The following CREG2 variants were observed in gnomAD, a reference collection of about 807,000 sequenced individuals.
CREG2 encodes the protein cellular repressor of E1A stimulated genes 2.
In CREG2, 24 loss-of-function variants were observed where a neutral mutation model predicts 26.2. The ratio of observed to expected loss-of-function variants is 0.92; its 90% CI spans 0.66 to 1.29. The LOEUF is 1.29. Among genes scored for constraint, CREG2 ranks in the 50% most tolerant of loss-of-function variants. The pLI is 0.00. For missense variants in CREG2, 366 were observed against 398.6 expected, an observed-to-expected ratio of 0.92 and a Z score of 0.70; for synonymous variants, 174 against 169.2, an observed-to-expected ratio of 1.03 and a Z score of -0.22.
chr2:101,365,254 C>T (rs574116531), intron 2 of CREG2, among the ~76,000 whole-genome samples: 1 of 152,326 alleles, frequency 6.6e-6, no homozygotes, highest in South Asian at 2.1e-4. Context: ...CTGCAGAAAG[C>T]ACTGTGTTGT....
chr2:101,377,496 C>T (rs1020670807), intron 2 of CREG2, among the ~76,000 whole-genome samples: 1 of 152,232 alleles, frequency 6.6e-6, no homozygotes, highest in African/African-American at 2.4e-5. Context: ...GGGAAAGAGA[C>T]ATTTTTGGGT....
chr2:101,361,173 A>T (rs996229773), intron 2 of CREG2, among the ~76,000 whole-genome samples: 1 of 152,168 alleles, frequency 6.6e-6, no homozygotes, highest in Non-Finnish European at 1.5e-5. Context: ...AATAAAAAGG[A>T]GATTATATAT....
Position 101,351,009 on chromosome 2 carries a change from CT to C in CREG2, c.786del (p.Ile262MetfsTer43). On this transcript the variant is annotated frameshift_variant, in exon 4 of 4. Coordinates refer to ENST00000324768, the MANE Select transcript of CREG2 (RefSeq NM_153836.4). LOFTEE classifies it high-confidence loss of function. Reference sequence around the variant, plus strand: ...TACCATTTCTGAAGCCAGATATGTTCTATCCTCATCTTCATAAAGAACCATT... The same window carrying C: ...TACCATTTCTGAAGCCAGATATGTTCATCCTCATCTTCATAAAGAACCATT... ...QYEWFFMKMR[I>X]EHIWLQKWYG... The C allele has an allele frequency of 6.2e-7, 1 of 1,614,146 alleles. No homozygotes were observed. The highest frequency in any genetic ancestry group is 1.3e-5 in the African/African-American group (1 of 75,072).
At chr2:101,367,508 AG>A (rs1437757104) in intron 2 of CREG2, among the ~76,000 whole-genome samples, 1 of 152,236 alleles carries the variant, frequency 6.6e-6, no homozygotes, top group African/African-American at 2.4e-5. Context: ...AGCATACATT[AG>A]AATAAATCAC....
intron 2 of CREG2, among the ~76,000 whole-genome samples, chr2:101,366,353 C>A (rs537940299): frequency 5.3e-5 from 8 of 152,300 alleles, no homozygotes; most frequent in African/African-American, 1.9e-4. Context: ...TTTTACTCCT[C>A]AATTCAATGT....
Position 101,349,513 on chromosome 2 carries a change from C to G in CREG2, c.*1410G>C, listed in dbSNP as rs1402273390. 1 of 152,490 alleles carries G rather than the reference C, an allele frequency of 6.6e-6. No homozygotes were observed. The highest frequency in any genetic ancestry group is 2.4e-5 in the African/African-American group (1 of 41,408). 9.4% of individuals were successfully genotyped at this position (152,490 alleles called of 1,614,324 possible). On this transcript the variant is annotated 3_prime_UTR_variant, in exon 4 of 4. Coordinates refer to ENST00000324768, the MANE Select transcript of CREG2 (RefSeq NM_153836.4). The stretch of plus-strand genomic sequence containing the variant: ...TGTGTTTTTTATGTTATACAACCTC[C>G]CTAACCTACCAAAGAAAGTTTGTAG...
At chr2:101,375,990 G>A in intron 2 of CREG2, 1 of 198,868 alleles carries the variant, frequency 5.0e-6, no homozygotes, top group South Asian at 1.0e-4. Flanking sequence ...CAGCTTTGCT[G>A]GGCTGTGCTG....
chr2:101,377,025 G>A (rs1413259537), intron 2 of CREG2, among the ~76,000 whole-genome samples: 1 of 151,980 alleles, frequency 6.6e-6, no homozygotes, highest in Non-Finnish European at 1.5e-5. Flanking sequence ...TAAAGATTAG[G>A]CCCCCCCTTG....
At chr2:101,378,695 G>C (rs1480928988) in intron 2 of CREG2, among the ~76,000 whole-genome samples, 1 of 152,032 alleles carries the variant, frequency 6.6e-6, no homozygotes, top group African/African-American at 2.4e-5. Flanking sequence ...ACCCTGAACC[G>C]GCCGGGTATT....
intron 2 of CREG2, among the ~76,000 whole-genome samples, chr2:101,361,826 T>C (rs1257965796): frequency 6.6e-6 from 1 of 152,068 alleles, no homozygotes; most frequent in Non-Finnish European, 1.5e-5. Flanking sequence ...GGCCAGCAAA[T>C]GCAGCACCAG....
At chr2:101,351,153 C>T in intron 3 of CREG2, 83 bp from the exon 4 acceptor site, 1 of 1,395,832 alleles carries the variant, frequency 7.2e-7, no homozygotes, top group Admixed American at 2.4e-5. Context: ...CCTCCAGAGT[C>T]CAGGCCTCAT....
At chr2:101,353,684 A>G (rs1327883880) in intron 3 of CREG2, among the ~76,000 whole-genome samples, 2 of 152,220 alleles carry the variant, frequency 1.3e-5, no homozygotes, top group Non-Finnish European at 2.9e-5. Flanking sequence ...TTGCAGCACT[A>G]TTTACAATAG....
intron 1 of CREG2, among the ~76,000 whole-genome samples, chr2:101,386,634 T>C (rs1684970180): frequency 6.6e-6 from 1 of 152,096 alleles, no homozygotes; most frequent in African/African-American, 2.4e-5. Context: ...TATGGGTTTG[T>C]GCCCTGCGCT....
intron 3 of CREG2, among the ~76,000 whole-genome samples, chr2:101,352,354 T>C (rs1684396474): frequency 6.6e-6 from 1 of 152,202 alleles, no homozygotes; most frequent in Admixed American, 6.5e-5. Context: ...TGATTGTTGT[T>C]TTAAGAAACC....
chr2:101,363,284 C>G (rs1684570631), intron 2 of CREG2, among the ~76,000 whole-genome samples: 1 of 152,064 alleles, frequency 6.6e-6, no homozygotes, highest in South Asian at 2.1e-4. Flanking sequence ...TTACATGGAC[C>G]TGAGGAGTCA....
chr2:101,373,633 A>G (rs1250224937), intron 2 of CREG2, among the ~76,000 whole-genome samples: 1 of 152,208 alleles, frequency 6.6e-6, no homozygotes, highest in Non-Finnish European at 1.5e-5. Context: ...ATGGAGGAAA[A>G]GGATAGTGCA....
chr2:101,371,476 C>T (rs913709227), intron 2 of CREG2, among the ~76,000 whole-genome samples: 1 of 152,170 alleles, frequency 6.6e-6, no homozygotes, highest in Non-Finnish European at 1.5e-5. Flanking sequence ...AGAGACCACG[C>T]AGCAGAGAGC....
Position 101,371,900 on chromosome 2 carries a change from G to A in CREG2, c.611+11633C>T, listed in dbSNP as rs545866403. On this transcript the variant is annotated intron_variant, in intron 2 of 3. Transcript: ENST00000324768. ...ACAATGAAATCCTGGGGAATAAATCGGTGAGGGAACTCTAGTCCGTAGGAC... is the reference window on the plus strand; with the variant it reads ...ACAATGAAATCCTGGGGAATAAATCAGTGAGGGAACTCTAGTCCGTAGGAC... Among the ~76,000 whole-genome samples the A allele has an allele frequency of 7.9e-5, 12 of 152,242 alleles. No homozygotes were observed. The South Asian group carries it at 2.1e-3, about 26-fold the overall frequency.
intron 3 of CREG2, among the ~76,000 whole-genome samples, chr2:101,351,559 T>C (rs1370526644): frequency 6.6e-6 from 1 of 152,168 alleles, no homozygotes; most frequent in Non-Finnish European, 1.5e-5. Flanking sequence ...AATGGTGAGC[T>C]TGTGAAACCA....
Sources: allele counts gnomAD v4.1 joint callset (sites outside exome capture counted in the v4.1 genomes callset), GRCh38; gene constraint gnomAD v4.1.1; transcripts MANE v1.5; gene names NCBI Gene and HGNC (gene_info 2026-07-23, HGNC 2026-07-21).